MTHFD1L: variants seen among roughly 807,000 people sequenced by gnomAD.
MTHFD1L encodes monofunctional C1-tetrahydrofolate synthase, mitochondrial.
A neutral mutation model predicts 119.5 loss-of-function variants in MTHFD1L; 81 were observed. The ratio of observed to expected loss-of-function variants is 0.68; its 90% CI spans 0.57 to 0.82. The LOEUF (loss-of-function observed/expected upper bound fraction) is 0.82, where lower values mean the gene tolerates loss of function less well. Among genes scored for constraint, MTHFD1L ranks in the 40% least tolerant of loss-of-function variants. The pLI is 0.00. For missense variants in MTHFD1L, 1,125 were observed against 1,253.4 expected (o/e 0.90, Z 1.55); for synonymous variants, 430 against 475.2 (o/e 0.90, Z 1.24).
chr6:150,867,545 C>CA (rs1206068824), intron 1 of MTHFD1L, among the ~76,000 whole-genome samples: 3 of 151,920 alleles, frequency 2.0e-5, no homozygotes, highest in Non-Finnish European at 2.9e-5. Context: ...GGATAGGCGG[C>CA]AAAAAAACTT....
At chr6:151,069,302 G>A (rs2128615807) in intron 26 of MTHFD1L, among the ~76,000 whole-genome samples, 1 of 135,508 alleles carries the variant, frequency 7.4e-6, no homozygotes, top group East Asian at 2.2e-4. Context: ...TCTGTCATAG[G>A]GACCTCCCTA....
intron 26 of MTHFD1L, among the ~76,000 whole-genome samples, chr6:151,048,361 T>C (rs911810478): frequency 7.2e-5 from 11 of 152,164 alleles, no homozygotes; most frequent in Admixed American, 2.0e-4. Flanking sequence ...TCACCCACCA[T>C]CTACTGTTAA....
chr6:150,985,396 T>C (rs532428257), intron 20 of MTHFD1L, among the ~76,000 whole-genome samples: 1 of 152,052 alleles, frequency 6.6e-6, no homozygotes, highest in Admixed American at 6.5e-5. Context: ...TCCTTTGAGG[T>C]CGGGCACAGT....
At chr6:150,893,721 G>A (rs1783735662) in intron 7 of MTHFD1L, among the ~76,000 whole-genome samples, 1 of 152,144 alleles carries the variant, frequency 6.6e-6, no homozygotes, top group Non-Finnish European at 1.5e-5. Flanking sequence ...TACCGGTGTG[G>A]GCTGACCTTC....
intron 20 of MTHFD1L, among the ~76,000 whole-genome samples, chr6:151,007,722 G>T (rs1781604569): frequency 6.6e-6 from 1 of 152,116 alleles, no homozygotes; most frequent in Non-Finnish European, 1.5e-5. Context: ...CCTCTTTTGG[G>T]GTCCATGATG....
At chr6:150,986,955 G>A (rs1196229290) in intron 20 of MTHFD1L, among the ~76,000 whole-genome samples, 1 of 152,134 alleles carries the variant, frequency 6.6e-6, no homozygotes, top group African/African-American at 2.4e-5. Flanking sequence ...GCCCCCCTCA[G>A]CCTCTCAAAG....
intron 26 of MTHFD1L, among the ~76,000 whole-genome samples, chr6:151,064,789 G>GT (rs63491461): frequency 0.38 from 55,817 of 147,694 alleles, 12,208 homozygotes; most frequent in East Asian, 0.69. Flanking sequence ...TTCTTTTTTT[G>GT]TTTTTTTTTT....
At chr6:151,094,725 G>A (rs140811862) in intron 27 of MTHFD1L, among the ~76,000 whole-genome samples, 5,105 of 151,958 alleles carry the variant, frequency 0.034, 176 homozygotes, top group Admixed American at 0.11. Flanking sequence ...TTTATTTTTA[G>A]TAGAGACAGG....
intron 27 of MTHFD1L, among the ~76,000 whole-genome samples, chr6:151,094,073 A>C (rs1011264220): frequency 2.0e-5 from 3 of 152,094 alleles, no homozygotes; most frequent in Admixed American, 6.5e-5. Flanking sequence ...TCCTAATCAG[A>C]AGCTTGAAAG....
intron 5 of MTHFD1L, among the ~76,000 whole-genome samples, chr6:150,885,198 G>GT (rs1193342078): frequency 1.6e-5 from 2 of 122,434 alleles, no homozygotes; most frequent in Non-Finnish European, 3.3e-5. Context: ...ATTTTTTATG[G>GT]GTTTTTTTTT....
At chr6:150,893,566 A>G (rs1355115842) in intron 7 of MTHFD1L, among the ~76,000 whole-genome samples, 1 of 152,322 alleles carries the variant, frequency 6.6e-6, no homozygotes, top group Non-Finnish European at 1.5e-5. Context: ...CTGACATGGA[A>G]CAAGACCCCC....
At position 150,955,992 on chromosome 6, in the gene MTHFD1L, C is replaced by G; in HGVS notation, c.1727-3C>G. 1.9e-6 allele frequency: 3 copies of G among 1,612,458 alleles called. No individual in the cohort carries two copies. Among genetic ancestry groups the G allele is most frequent in the Non-Finnish European group, 2.5e-6 (3 of 1,178,472 alleles). On this transcript the variant is annotated splice_region_variant and splice_polypyrimidine_tract_variant and intron_variant, in intron 16 of 27. Transcript: ENST00000367321. ...ACTGAATGACTAATCTGTTCTCTTT[C>G]AGTATTGGATACAAATGACCGATTT...
chr6:151,057,666 C>T (rs1472074650), intron 26 of MTHFD1L, among the ~76,000 whole-genome samples: 1 of 152,132 alleles, frequency 6.6e-6, no homozygotes, highest in Non-Finnish European at 1.5e-5. Context: ...CCTAGACTCC[C>T]CCTGTCAAAA....
At chr6:150,888,033 G>C in intron 7 of MTHFD1L, 52 bp downstream of exon 7, 1 of 1,512,178 alleles carries the variant, frequency 6.6e-7, no homozygotes. Flanking sequence ...TAGAACAGAA[G>C]AAAGTCTAGA....
intron 20 of MTHFD1L, among the ~76,000 whole-genome samples, chr6:150,985,919 C>A (rs577153327): frequency 1.3e-5 from 2 of 152,034 alleles, no homozygotes; most frequent in Non-Finnish European, 2.9e-5. Context: ...AGAGAATCTT[C>A]GGTGGCATTA....
At chr6:150,939,720 T>C (rs1792762726) in intron 13 of MTHFD1L, among the ~76,000 whole-genome samples, 2 of 144,628 alleles carry the variant, frequency 1.4e-5, no homozygotes, top group South Asian at 4.3e-4. Flanking sequence ...AGTTTTGCTT[T>C]GTTGCTCAGG....
intron 24 of MTHFD1L, among the ~76,000 whole-genome samples, chr6:151,031,491 G>A (rs1785333291): frequency 1.3e-5 from 2 of 152,212 alleles, no homozygotes; most frequent in Admixed American, 1.3e-4. Flanking sequence ...GCTCACATGT[G>A]CCTAAGGTTC....
intron 26 of MTHFD1L, among the ~76,000 whole-genome samples, chr6:151,046,495 A>G (rs534589920): frequency 1.3e-4 from 17 of 128,516 alleles, no homozygotes; most frequent in East Asian, 1.1e-3. Context: ...ATATATATAT[A>G]TATATATATA....
intron 26 of MTHFD1L, among the ~76,000 whole-genome samples, chr6:151,085,405 ACTTACGT>A (rs1242038567): frequency 2.0e-5 from 3 of 152,162 alleles, no homozygotes; most frequent in Non-Finnish European, 4.4e-5. Context: ...ATTGAACATG[ACTTACGT>A]CTTAGAAAGT....
Sources: gnomAD v4.1 joint callset for allele counts (sites outside exome capture counted in the v4.1 genomes callset) on GRCh38, gnomAD v4.1.1 for gene constraint, MANE v1.5 for transcripts, NCBI Gene and HGNC (gene_info 2026-07-23, HGNC 2026-07-21) for gene names.